FRMPD4: variants seen among roughly 807,000 people sequenced by gnomAD.
FRMPD4 encodes FERM and PDZ domain containing 4, also known as FERM and PDZ domain-containing protein 4.
A neutral mutation model predicts 94.1 loss-of-function variants in FRMPD4; 22 were observed. The ratio of observed to expected loss-of-function variants is 0.23; its 90% confidence interval spans 0.17 to 0.33. FRMPD4 has a LOEUF of 0.33. Among genes scored for constraint, FRMPD4 ranks in the 10% least tolerant of loss-of-function variants. The pLI is 1.00. For synonymous variants in FRMPD4, 631 were observed against 548.6 expected (o/e 1.15, Z -2.10); for missense variants, 1,111 against 1,339.9 (o/e 0.83, Z 2.67).
chrX:11,933,077 G>A (rs771356011), intron 3 of FRMPD4, among the ~76,000 whole-genome samples: 13 of 111,655 alleles, frequency 1.2e-4, no homozygotes, highest in East Asian at 5.6e-4. Flanking sequence ...TCAGCTTAAC[G>A]TAATGCACAA....
In FRMPD4 at chrX:12,327,795, G is replaced by GA. The variant is rs367840825; in HGVS notation, c.42-170872dup. 6.8e-3 allele frequency among the ~76,000 whole-genome samples: 629 copies of GA among 92,134 alleles called. 1 individual carries two copies. Among genetic ancestry groups the GA allele is most frequent in the African/African-American group, 0.019 (479 of 25,871 alleles). 80.0% of individuals were successfully genotyped at this position (92,134 alleles called of 115,157 possible). A position where few individuals can be genotyped will look rare whatever the true frequency, so the allele number is the denominator to read the frequency against. ...CAGATAGTTCATCATTTTTCAGAGA[G>GA]AAAAAAAAAAAAACGATTACATCTA... On this transcript the variant is annotated intron_variant, in intron 1 of 16. Transcript: ENST00000675598.
At chrX:12,538,603 G>C (rs747348959) in intron 2 of FRMPD4, among the ~76,000 whole-genome samples, 1 of 111,644 alleles carries the variant, frequency 9.0e-6, no homozygotes, top group East Asian at 2.8e-4. Context: ...ACCCCACACG[G>C]CCGGGTACCC....
chrX:12,193,506 A>G (rs1270775569), intron 1 of FRMPD4, among the ~76,000 whole-genome samples: 2 of 108,157 alleles, frequency 1.8e-5, no homozygotes, highest in Admixed American at 2.0e-4. Context: ...AAAGGAATAT[A>G]TGGTAATTGG....
At chrX:12,075,812 T>G (rs1304326990) in intron 3 of FRMPD4, among the ~76,000 whole-genome samples, 1 of 112,315 alleles carries the variant, frequency 8.9e-6, no homozygotes, top group Non-Finnish European at 1.9e-5. Flanking sequence ...TGGGTCTTGA[T>G]AGCAAAGAGC....
chrX:12,315,454 T>C (rs1376369398), intron 1 of FRMPD4, among the ~76,000 whole-genome samples: 1 of 112,127 alleles, frequency 8.9e-6, no homozygotes. Flanking sequence ...GTCAGTCTCA[T>C]GTAATCTCAT....
At chrX:12,313,451 A>G (rs997672458) in intron 1 of FRMPD4, among the ~76,000 whole-genome samples, 2 of 112,694 alleles carry the variant, frequency 1.8e-5, no homozygotes, top group Non-Finnish European at 3.7e-5. Context: ...AAAGTGGCTA[A>G]TTGATGAGGC....
At chrX:11,958,628 A>C (rs2054268532) in intron 3 of FRMPD4, among the ~76,000 whole-genome samples, 1 of 112,064 alleles carries the variant, frequency 8.9e-6, no homozygotes, top group South Asian at 3.7e-4. Context: ...GAACTTCAGC[A>C]TGAATAACTC....
chrX:12,285,155 G>A (rs115020834), intron 1 of FRMPD4, among the ~76,000 whole-genome samples: 2,697 of 111,796 alleles, frequency 0.024, 76 homozygotes, highest in African/African-American at 0.081. Context: ...GAAGAGAACA[G>A]TTTGGTGTGC....
chrX:11,840,734 T>C (rs1250336527), intron 1 of FRMPD4, among the ~76,000 whole-genome samples: 1 of 95,351 alleles, frequency 1.0e-5, no homozygotes, highest in Non-Finnish European at 2.2e-5. Flanking sequence ...TTTTATTTTT[T>C]ATTTTTTTTT....
At chrX:11,872,587 A>G (rs1342849093) in intron 2 of FRMPD4, among the ~76,000 whole-genome samples, 8 of 112,433 alleles carry the variant, frequency 7.1e-5, no homozygotes, top group Admixed American at 3.8e-4. Flanking sequence ...GACAGCACGT[A>G]GATAACACAA....
intron 4 of FRMPD4, among the ~76,000 whole-genome samples, chrX:12,650,636 T>C (rs1032355614): frequency 1.8e-5 from 2 of 112,202 alleles, no homozygotes; most frequent in East Asian, 5.6e-4. Flanking sequence ...AGTGATGTGA[T>C]GAACATTAAT....
chrX:11,933,361 A>G (rs1375519781), intron 3 of FRMPD4, among the ~76,000 whole-genome samples: 1 of 111,951 alleles, frequency 8.9e-6, no homozygotes, highest in Non-Finnish European at 1.9e-5. Flanking sequence ...ACATCCCCCA[A>G]TTCCACCGTC....
At chrX:12,157,495 A>G (rs1382639937) in intron 1 of FRMPD4, among the ~76,000 whole-genome samples, 1 of 111,410 alleles carries the variant, frequency 9.0e-6, no homozygotes, top group East Asian at 2.8e-4. Flanking sequence ...GTTGACAAAG[A>G]AAGGCTTTGT....
intron 1 of FRMPD4, among the ~76,000 whole-genome samples, chrX:12,428,431 T>C (rs1013341777): frequency 9.9e-5 from 11 of 111,095 alleles, no homozygotes; most frequent in Non-Finnish European, 1.3e-4. Flanking sequence ...TGCCAGAAAA[T>C]TGATCAGTTT....
At chrX:12,652,885 C>T (rs1170913315) in intron 4 of FRMPD4, among the ~76,000 whole-genome samples, 1 of 111,992 alleles carries the variant, frequency 8.9e-6, no homozygotes, top group Non-Finnish European at 1.9e-5. Context: ...ACGGTTCTTC[C>T]ATTGGCCAAA....
rs2042225105 is a variant in FRMPD4, at chrX:12,720,852, A to C, written c.4283A>C (p.Lys1428Thr). 2.2e-6 allele frequency: 2 copies of C among 895,513 alleles called. No individual in the cohort carries two copies. Among genetic ancestry groups the C allele is most frequent in the African/African-American group, 4.1e-5 (2 of 48,206 alleles). 73.8% of individuals were successfully genotyped at this position (895,513 alleles called of 1,213,427 possible). A position where few individuals can be genotyped will look rare whatever the true frequency, so the allele number is the denominator to read the frequency against. ...RERTKGAVSL[K>T]CPGITEAQEA... ...AGAACCAAGGGTGCAGTCAGCTTAA[A>C]GTGTCCAGGCATCACAGAAGCACAG... The change falls in exon 17 of 17, where the codon AAG (lysine) becomes ACG (threonine). Residue 1428 changes from lysine (K) to threonine (T), a missense_variant. Coordinates refer to ENST00000675598, the MANE Select transcript of FRMPD4 (RefSeq NM_001368397.1).
chrX:12,376,051 A>C (rs1327189744), intron 1 of FRMPD4, among the ~76,000 whole-genome samples: 1 of 112,282 alleles, frequency 8.9e-6, no homozygotes, highest in Non-Finnish European at 1.9e-5. Context: ...AGGATCTATC[A>C]TTCATTCCTG....
intron 3 of FRMPD4, among the ~76,000 whole-genome samples, chrX:12,006,128 A>G (rs897649074): frequency 9.0e-6 from 1 of 111,608 alleles, no homozygotes; most frequent in African/African-American, 3.3e-5. Context: ...CCAATATCCA[A>G]ATCAGCTTGA....
At chrX:11,931,488 C>T (rs1218830756) in intron 3 of FRMPD4, among the ~76,000 whole-genome samples, 1 of 111,743 alleles carries the variant, frequency 8.9e-6, no homozygotes, top group Non-Finnish European at 1.9e-5. Flanking sequence ...CCTCGCCTCT[C>T]CTCATAGCTT....
Sources: allele counts gnomAD v4.1 joint callset (sites outside exome capture counted in the v4.1 genomes callset), GRCh38; gene constraint gnomAD v4.1.1; transcripts MANE v1.5; gene names NCBI Gene and HGNC (gene_info 2026-07-23, HGNC 2026-07-21).